Variants in MEMO1 observed in about 807,000 individuals in gnomAD.
The protein encoded by MEMO1 is protein MEMO1.
MEMO1 carries 6 observed loss-of-function variants against 45.2 expected under a neutral mutation model. The observed-to-expected ratio is 0.13, with a 90% CI of 0.07 to 0.26. The LOEUF is 0.26. Among genes scored for constraint, MEMO1 ranks in the 10% least tolerant of loss-of-function variants. MEMO1 has a pLI of 1.00. For synonymous variants in MEMO1, 78 were observed against 124.3 expected (o/e 0.63, Z 2.48); for missense variants, 184 against 370.5 (o/e 0.50, Z 4.13).
chr2:31,906,835 C>A (rs1248313952), intron 6 of MEMO1, among the ~76,000 whole-genome samples: 1 of 152,138 alleles, frequency 6.6e-6, no homozygotes, highest in Non-Finnish European at 1.5e-5. Flanking sequence ...CCTCCAGCCC[C>A]AGGGTGGTGT....
At position 31,986,461 on chromosome 2, in the gene MEMO1, G is replaced by C. The variant is rs1420774734; in HGVS notation, c.61+23726C>G. 1.3e-5 allele frequency among the ~76,000 whole-genome samples: 2 copies of C among 151,998 alleles called. 1 individual carries two copies. Among genetic ancestry groups the C allele is most frequent in the South Asian group, 4.1e-4 (2 of 4,826 alleles). On this transcript the variant is annotated intron_variant, in intron 2 of 9. Transcript: ENST00000404530. ...CACTGCAGCCTGAGCGAAAGTGTGA[G>C]ACACTGTCTCAAAAAAAAATAATAA... is the stretch of plus-strand genomic sequence containing the variant.
intron 5 of MEMO1, among the ~76,000 whole-genome samples, chr2:31,918,364 T>C (rs1681776507): frequency 6.6e-6 from 1 of 152,250 alleles, no homozygotes; most frequent in Non-Finnish European, 1.5e-5. Flanking sequence ...TTTCATTATT[T>C]CTAAAATCAC....
intron 7 of MEMO1, among the ~76,000 whole-genome samples, chr2:31,886,270 C>T (rs1210928450): frequency 3.3e-5 from 5 of 152,140 alleles, no homozygotes; most frequent in Non-Finnish European, 7.4e-5. Context: ...CAGCTCAAAT[C>T]GTCTCATGGT....
In MEMO1 at chr2:32,002,844, G is replaced by A. The variant is rs576205476; in HGVS notation, c.61+7343C>T. On this transcript the variant is annotated intron_variant, in intron 2 of 9. Coordinates refer to ENST00000404530, the MANE Select transcript of MEMO1 (RefSeq NM_001301833.4). ...GATGATTTTGACTTGGAAACTGCAT[G>A]TGAAAGGACAAGGAAACTGAAAACT... 7.9e-5 allele frequency among the ~76,000 whole-genome samples: 12 copies of A among 152,318 alleles called. No homozygotes were observed. The South Asian group carries it at 1.7e-3, about 21-fold the overall frequency.
rs145756885 is a variant in MEMO1, at chr2:31,886,401, T to C, written c.581-2939A>G. On this transcript the variant is annotated intron_variant, in intron 7 of 9. Transcript: ENST00000404530. ...GTCATCATCATAGCCTATATGTATG[T>C]GTGTATTTACGTATGTCTGCATACA... 1.8e-3 allele frequency among the ~76,000 whole-genome samples: 281 copies of C among 152,340 alleles called. 3 individuals carry two copies. The highest frequency in any genetic ancestry group is 6.5e-3 in the African/African-American group (272 of 41,584).
intron 4 of MEMO1, among the ~76,000 whole-genome samples, chr2:31,930,860 T>C (rs1368446241): frequency 6.8e-6 from 1 of 146,544 alleles, no homozygotes; most frequent in East Asian, 2.0e-4. Context: ...GGTTTCACCA[T>C]ATTGGCCAGG....
chr2:32,002,760 T>C (rs1285068375), intron 2 of MEMO1, among the ~76,000 whole-genome samples: 5 of 152,220 alleles, frequency 3.3e-5, no homozygotes, highest in Non-Finnish European at 7.3e-5. Flanking sequence ...ATTTTCATCT[T>C]CTTTCAAATG....
intron 2 of MEMO1, among the ~76,000 whole-genome samples, chr2:31,971,959 G>C (rs972977539): frequency 5.9e-5 from 9 of 151,924 alleles, no homozygotes; most frequent in Non-Finnish European, 1.2e-4. Flanking sequence ...GTCAGAGCGA[G>C]ACTCTGTCTC....
intron 4 of MEMO1, among the ~76,000 whole-genome samples, chr2:31,923,257 C>A (rs1450597579): frequency 2.6e-5 from 4 of 152,082 alleles, no homozygotes; most frequent in Non-Finnish European, 5.9e-5. Flanking sequence ...TTGTTGGCCA[C>A]GTATGTATCT....
intron 5 of MEMO1, among the ~76,000 whole-genome samples, chr2:31,919,839 T>C (rs544488463): frequency 6.6e-6 from 1 of 151,826 alleles, no homozygotes; most frequent in African/African-American, 2.4e-5. Context: ...CAAAAATATA[T>C]ATATGTGTGT....
At chr2:31,869,246 A>G (rs1673304873) in intron 9 of MEMO1, among the ~76,000 whole-genome samples, 3 of 152,112 alleles carry the variant, frequency 2.0e-5, no homozygotes, top group Admixed American at 2.0e-4. Context: ...CCCATTCCTG[A>G]GTATACACTT....
chr2:31,923,479 TA>T, intron 4 of MEMO1: 1 of 765,838 alleles, frequency 1.3e-6, no homozygotes, highest in Non-Finnish European at 1.9e-6. Context: ...TATAGATTTC[TA>T]AATGAAGAAA....
At position 32,003,964 on chromosome 2, in the gene MEMO1, T is replaced by C. The variant is rs148029593; in HGVS notation, c.61+6223A>G. 6.6e-5 allele frequency among the ~76,000 whole-genome samples: 10 copies of C among 152,028 alleles called. No individual in the cohort carries two copies. In the East Asian group the frequency reaches 9.7e-4, roughly 15 times the overall value. ...TACTCAGGAAGCTGAGACAGGAGAA[T>C]AGCTTGAGACCAGGAATTTGAGACC... On this transcript the variant is annotated intron_variant, in intron 2 of 9. Transcript: ENST00000404530.
At chr2:31,945,510 T>C (rs954573262) in intron 2 of MEMO1, among the ~76,000 whole-genome samples, 1 of 152,228 alleles carries the variant, frequency 6.6e-6, no homozygotes, top group African/African-American at 2.4e-5. Context: ...GGCCTAATTC[T>C]ACCTGTACTC....
intron 2 of MEMO1, among the ~76,000 whole-genome samples, chr2:31,988,521 G>T (rs1671550347): frequency 6.6e-6 from 1 of 152,088 alleles, no homozygotes; most frequent in African/African-American, 2.4e-5. Flanking sequence ...ACTCCAGCCT[G>T]GGCGACAAAG....
At chr2:31,959,096 T>C (rs1667709504) in intron 2 of MEMO1, among the ~76,000 whole-genome samples, 2 of 152,210 alleles carry the variant, frequency 1.3e-5, no homozygotes, top group African/African-American at 2.4e-5. Flanking sequence ...CCATGAAGTT[T>C]GTTCTAAGAT....
At chr2:31,965,308 GGAGGGACGGAGGGAGGAAGA>G in intron 2 of MEMO1, among the ~76,000 whole-genome samples, 1 of 151,808 alleles carries the variant, frequency 6.6e-6, no homozygotes, top group Non-Finnish European at 1.5e-5. Context: ...AAGGAGGGAA[GGAGGGACGGAGGGAGGAAGA>G]GAGGGAGGGA....
intron 8 of MEMO1, among the ~76,000 whole-genome samples, chr2:31,873,950 A>T (rs1674171015): frequency 6.6e-6 from 1 of 152,128 alleles, no homozygotes. Flanking sequence ...CTTACTAAAA[A>T]GCTATTGGCT....
chr2:31,953,590 A>G (rs1667090257), intron 2 of MEMO1, among the ~76,000 whole-genome samples: 1 of 151,614 alleles, frequency 6.6e-6, no homozygotes, highest in African/African-American at 2.4e-5. Flanking sequence ...TGAGTAGCTG[A>G]GATTACAGAT....
Sources: allele counts gnomAD v4.1 joint callset (sites outside exome capture counted in the v4.1 genomes callset), GRCh38; gene constraint gnomAD v4.1.1; transcripts MANE v1.5; gene names NCBI Gene and HGNC (gene_info 2026-07-23, HGNC 2026-07-21).